FZD3: variants seen among roughly 807,000 people sequenced by gnomAD.
FZD3 encodes frizzled-3.
FZD3 carries 30 observed loss-of-function variants against 60.7 expected under a neutral mutation model. The observed-to-expected ratio is 0.49, with a 90% CI of 0.37 to 0.67. The LOEUF (loss-of-function observed/expected upper bound fraction) is 0.67, where lower values mean the gene tolerates loss of function less well. FZD3 is among the 30% of genes least tolerant of loss of function. The pLI, the probability that FZD3 is intolerant of heterozygous loss-of-function variation, is 0.00. For missense variants in FZD3, 605 were observed against 838.7 expected (o/e 0.72, Z 3.44); for synonymous variants, 246 against 275.2 (o/e 0.89, Z 1.05).
At chr8:28,522,177 T>C (rs1389074448) in intron 4 of FZD3, among the ~76,000 whole-genome samples, 2 of 150,960 alleles carry the variant, frequency 1.3e-5, no homozygotes, top group African/African-American at 4.9e-5. Flanking sequence ...TGATCTTGGC[T>C]CACTGCAACC....
At chr8:28,531,307 T>G (rs1341151506) in intron 5 of FZD3, among the ~76,000 whole-genome samples, 1 of 152,186 alleles carries the variant, frequency 6.6e-6, no homozygotes, top group Admixed American at 6.5e-5. Context: ...AGTTTTATGT[T>G]TTTGAGAATA....
chr8:28,528,056 C>T lies in FZD3; in HGVS notation c.1296C>T (p.Leu432=). ...TCAGCATTCTTTATCTCGTACCACTCTTGGTTGTAATTGGATGCTACTTTT... is the reference window on the plus strand; with the variant it reads ...TCAGCATTCTTTATCTCGTACCACTTTTGGTTGTAATTGGATGCTACTTTT... The part of the protein sequence containing the change: ...GVFSILYLVP[L]LVVIGCYFYE... Residue 432 remains leucine (L), a synonymous_variant, in exon 5 of 8, where the codon CTC becomes CTT. Coordinates refer to ENST00000240093, the MANE Select transcript of FZD3 (RefSeq NM_017412.4). 6.2e-7 allele frequency: 1 copy of T among 1,613,852 alleles called. No individual in the cohort carries two copies. Among genetic ancestry groups the T allele is most frequent in the African/African-American group, 1.3e-5 (1 of 75,008 alleles).
chr8:28,558,662 C>G (rs1458512911), intron 7 of FZD3, among the ~76,000 whole-genome samples: 2 of 152,124 alleles, frequency 1.3e-5, no homozygotes. Flanking sequence ...GAACTCCTGG[C>G]GTCAAGTGAT....
intron 7 of FZD3, 43 bp downstream of exon 7, chr8:28,556,014 A>G (rs2130465541): frequency 1.6e-6 from 2 of 1,232,034 alleles, no homozygotes; most frequent in South Asian, 1.3e-5. Context: ...AAGCTGAATT[A>G]TGACCATACA....
chr8:28,561,955 A>AGCT, intron 7 of FZD3, among the ~76,000 whole-genome samples: 2 of 152,322 alleles, frequency 1.3e-5, no homozygotes, highest in South Asian at 4.1e-4. Flanking sequence ...CTCATGGCAA[A>AGCT]GCTCAGTGAG....
intron 5 of FZD3, among the ~76,000 whole-genome samples, chr8:28,544,808 A>G (rs1213732428): frequency 6.6e-6 from 1 of 152,162 alleles, no homozygotes; most frequent in African/African-American, 2.4e-5. Flanking sequence ...AGAATACCTG[A>G]AACTGGGTAA....
At chr8:28,561,596 G>A (rs1252863793) in intron 7 of FZD3, among the ~76,000 whole-genome samples, 1 of 97,528 alleles carries the variant, frequency 1.0e-5, no homozygotes, top group Non-Finnish European at 2.2e-5. Context: ...TTTGATGACT[G>A]TTTAAAAAAA....
chr8:28,526,189 T>TTA (rs1804710083), intron 4 of FZD3, among the ~76,000 whole-genome samples: 2 of 101,698 alleles, frequency 2.0e-5, no homozygotes, highest in Admixed American at 2.1e-4. Flanking sequence ...ATGTTAATGT[T>TTA]TATACACACA....
At chr8:28,514,799 A>C (rs1026902887) in intron 3 of FZD3, among the ~76,000 whole-genome samples, 1 of 152,210 alleles carries the variant, frequency 6.6e-6, no homozygotes, top group African/African-American at 2.4e-5. Flanking sequence ...ATGCCCACCA[A>C]GTAGGCCTGC....
intron 3 of FZD3, among the ~76,000 whole-genome samples, chr8:28,520,417 A>G (rs944260061): frequency 1.3e-5 from 2 of 152,068 alleles, no homozygotes; most frequent in East Asian, 1.9e-4. Flanking sequence ...TACCTAAACT[A>G]TACATATAGA....
At chr8:28,534,831 A>G (rs1320119802) in intron 5 of FZD3, among the ~76,000 whole-genome samples, 2 of 152,204 alleles carry the variant, frequency 1.3e-5, no homozygotes. Flanking sequence ...TGAAATTTTT[A>G]TATTGAAGTA....
At chr8:28,561,385 T>G (rs1324906255) in intron 7 of FZD3, among the ~76,000 whole-genome samples, 1 of 152,186 alleles carries the variant, frequency 6.6e-6, no homozygotes, top group Non-Finnish European at 1.5e-5. Context: ...AAAATTTTTT[T>G]CAAAGGACTT....
rs188456250 is a variant in FZD3 at position 28,568,866 on chromosome 8, T to G, written c.*5855T>G. 6.6e-6 allele frequency: 1 copy of G among 152,262 alleles called. No individual in the cohort carries two copies. Among genetic ancestry groups the G allele is most frequent in the Non-Finnish European group, 1.5e-5 (1 of 67,978 alleles). 9.4% of individuals were successfully genotyped at this position (152,262 alleles called of 1,614,324 possible). A position where few individuals can be genotyped will look rare whatever the true frequency, so the allele number is the denominator to read the frequency against. Reference sequence around the variant, plus strand: ...TCAGGAAATTCTTTCTTGAATTTTTTTGTTGGTGTGAAAGCGTTGCTTATA... The same window carrying G: ...TCAGGAAATTCTTTCTTGAATTTTTGTGTTGGTGTGAAAGCGTTGCTTATA... On this transcript the variant is annotated 3_prime_UTR_variant, in exon 8 of 8. Coordinates refer to ENST00000240093, the MANE Select transcript of FZD3 (RefSeq NM_017412.4).
chr8:28,509,518 T>G (rs1804229201), intron 3 of FZD3, among the ~76,000 whole-genome samples: 1 of 152,144 alleles, frequency 6.6e-6, no homozygotes, highest in African/African-American at 2.4e-5. Context: ...AGTAACATAA[T>G]TACAATTCCA....
At chr8:28,554,416 CT>C (rs1433522644) in intron 6 of FZD3, among the ~76,000 whole-genome samples, 6 of 152,022 alleles carry the variant, frequency 3.9e-5, no homozygotes, top group South Asian at 4.1e-4. Context: ...CTATTTTTGG[CT>C]TGTTCTTTTT....
In FZD3 at chr8:28,502,782, AAAG is replaced by A; in HGVS notation, c.-227_-225del. 3.1e-6 allele frequency: 1 copy of A among 320,290 alleles called. No individual in the cohort carries two copies. Among genetic ancestry groups the A allele is most frequent in the Non-Finnish European group, 5.7e-6 (1 of 176,236 alleles). The allele number at this position is 320,290 out of a possible 1,614,324, so 19.8% of individuals were successfully genotyped here. A position where few individuals can be genotyped will look rare whatever the true frequency, so the allele number is the denominator to read the frequency against. Reference sequence around the variant, plus strand: ...AAATGTGCCCCATGTAATAAAATGAAAAGAAGAGACAAGATGATGTCATTTTCC... The same window carrying A: ...AAATGTGCCCCATGTAATAAAATGAAAAGAGACAAGATGATGTCATTTTCC... On this transcript the variant is annotated 5_prime_UTR_variant, in exon 3 of 8. Coordinates refer to ENST00000240093, the MANE Select transcript of FZD3 (RefSeq NM_017412.4).
chr8:28,499,716 C>CA (rs1442652390), intron 1 of FZD3, among the ~76,000 whole-genome samples: 3 of 151,878 alleles, frequency 2.0e-5, no homozygotes, highest in Non-Finnish European at 2.9e-5. Flanking sequence ...ATCTGGTTGG[C>CA]AAAAAATCTT....
In FZD3 at chr8:28,572,673, T is replaced by C. The variant is rs1318808373; in HGVS notation, c.*9662T>C. 6.6e-6 allele frequency: 1 copy of C among 152,172 alleles called. No individual in the cohort carries two copies. The highest frequency in any genetic ancestry group is 2.4e-5 in the African/African-American group (1 of 41,452). The allele number at this position is 152,172 out of a possible 1,614,324, so 9.4% of individuals were successfully genotyped here. ...AATAATTTCCCCCTCACATCTAATG[T>C]GGACTCAAATTTTGGCAACTGGAAT... On this transcript the variant is annotated 3_prime_UTR_variant, in exon 8 of 8. Transcript: ENST00000240093.
At chr8:28,516,499 A>G (rs547766414) in intron 3 of FZD3, among the ~76,000 whole-genome samples, 34 of 152,294 alleles carry the variant, frequency 2.2e-4, no homozygotes, top group Middle Eastern at 3.4e-3. Context: ...GAGTATTGCC[A>G]TCTGAACAAC....
Sources: allele counts gnomAD v4.1 joint callset (sites outside exome capture counted in the v4.1 genomes callset), GRCh38; gene constraint gnomAD v4.1.1; transcripts MANE v1.5; gene names NCBI Gene and HGNC (gene_info 2026-07-23, HGNC 2026-07-21).